The following NUDT6 variants were observed in gnomAD, a reference collection of about 807,000 sequenced individuals.
NUDT6 encodes the protein FAD diphosphatase NUDT6.
In NUDT6, 24 loss-of-function variants were observed where a neutral mutation model predicts 36.8. That is an observed-to-expected ratio of 0.65 (90% CI 0.47 to 0.92). The LOEUF is 0.92. Ranked by LOEUF, NUDT6 falls within the 40% of genes least tolerant of loss-of-function variation. The pLI, the probability that NUDT6 is intolerant of heterozygous loss-of-function variation, is 0.00. For synonymous variants in NUDT6, 163 were observed against 157.0 expected (o/e 1.04, Z -0.29); for missense variants, 388 against 392.8 (o/e 0.99, Z 0.10).
chr4:122,920,737 A>T (rs1227997620), intron 1 of NUDT6: 1 of 152,186 alleles, frequency 6.6e-6, no homozygotes, highest in African/African-American at 2.4e-5. Context: ...ACCTGTGTCT[A>T]CCCACACACT....
Position 122,915,489 on chromosome 4 carries a change from A to AC in NUDT6, c.442+2011_442+2012insG, listed in dbSNP as rs1560773944. On this transcript the variant is annotated intron_variant, in intron 2 of 4. Transcript: ENST00000304430. ...TGCCTCAAAAAAAAAAAAAAAAAAA[A>AC]AAAAAAAAACAACTCTGCACCTTTC... 6.0e-3 allele frequency among the ~76,000 whole-genome samples: 891 copies of AC among 148,800 alleles called. 20 individuals are homozygous for AC. Among genetic ancestry groups the AC allele is most frequent in the South Asian group, 0.023 (106 of 4,592 alleles).
intron 4 of NUDT6, chr4:122,894,246 A>G (rs1727281284): frequency 6.6e-6 from 1 of 152,218 alleles, no homozygotes; most frequent in South Asian, 2.1e-4. Context: ...TTCCCTTACA[A>G]TTGAGATTTG....
At chr4:122,917,342 G>A (rs191091644) in intron 2 of NUDT6, among the ~76,000 whole-genome samples, 159 bp downstream of exon 2, 4 of 152,278 alleles carry the variant, frequency 2.6e-5, no homozygotes, top group Admixed American at 2.0e-4. Context: ...CCCACTGGGG[G>A]TCTTGGAACA....
intron 3 of NUDT6, among the ~76,000 whole-genome samples, chr4:122,901,028 C>G (rs1727511796): frequency 6.6e-6 from 1 of 152,114 alleles, no homozygotes; most frequent in African/African-American, 2.4e-5. Context: ...GATGATATCT[C>G]TATGCCTCAA....
chr4:122,904,861 T>C (rs749289481), intron 3 of NUDT6, among the ~76,000 whole-genome samples: 1 of 152,160 alleles, frequency 6.6e-6, no homozygotes. Context: ...ATACAGCACA[T>C]AGTGTGTCTG....
intron 4 of NUDT6, chr4:122,896,126 T>C (rs1407447891): frequency 6.6e-6 from 1 of 152,448 alleles, no homozygotes; most frequent in South Asian, 2.1e-4. Context: ...TAATTCCACA[T>C]GACTGAGGCA....
Position 122,910,153 on chromosome 4 carries a change from C to T in NUDT6, c.498+2415G>A, listed in dbSNP as rs569645641. Among the ~76,000 whole-genome samples the T allele has an allele frequency of 2.6e-5, 4 of 152,290 alleles. 1 individual carries two copies. In the South Asian group the frequency reaches 6.2e-4, roughly 24 times the overall value. On this transcript the variant is annotated intron_variant, in intron 3 of 4. Coordinates refer to ENST00000304430, the MANE Select transcript of NUDT6 (RefSeq NM_007083.5). Reference sequence around the variant, plus strand: ...TTATTAAACATAGTTTTCACTATTACCCTGTTTTAAAAATATAGCCCAACT... The same window carrying T: ...TTATTAAACATAGTTTTCACTATTATCCTGTTTTAAAAATATAGCCCAACT...
chr4:122,920,192 T>C (rs1727943095), intron 1 of NUDT6: 1 of 152,176 alleles, frequency 6.6e-6, no homozygotes. Context: ...TCTCTCTTTA[T>C]AGGCACTACC....
At chr4:122,897,589 T>C in intron 4 of NUDT6, 35 bp downstream of exon 4, 2 of 1,439,862 alleles carry the variant, frequency 1.4e-6, no homozygotes, top group Non-Finnish European at 2.0e-6. Flanking sequence ...TTCCTCAACA[T>C]TTTTAAGCCA....
intron 2 of NUDT6, among the ~76,000 whole-genome samples, chr4:122,915,866 C>T (rs772343095): frequency 1.8e-4 from 27 of 152,018 alleles, no homozygotes; most frequent in Non-Finnish European, 3.4e-4. Context: ...TGTCTACTTG[C>T]TACAGGGAAG....
At chr4:122,913,285 T>TG (rs1727766653) in intron 2 of NUDT6, 1 of 152,434 alleles carries the variant, frequency 6.6e-6, no homozygotes, top group Non-Finnish European at 1.5e-5. Flanking sequence ...TTACAGACGA[T>TG]GCCTTCTAGC....
At chr4:122,917,797 C>T in intron 1 of NUDT6, 93 bp from the exon 2 acceptor site, 1 of 1,131,018 alleles carries the variant, frequency 8.8e-7, no homozygotes, top group South Asian at 1.5e-5. Context: ...TCCAGGAAAC[C>T]ATCTTTAAGC....
At position 122,909,179 on chromosome 4, in the gene NUDT6, C is replaced by T. The variant is rs1428525783; in HGVS notation, c.498+3389G>A. On this transcript the variant is annotated intron_variant, in intron 3 of 4. Transcript: ENST00000304430. ...CTTCCAGGCTCAAATAATCCTTCCA[C>T]CACAGCCTCCCAAGTAGCTGGGACC... Among the ~76,000 whole-genome samples, 4 of 152,002 alleles carry T rather than the reference C, an allele frequency of 2.6e-5. No homozygotes were observed. In the East Asian group the frequency reaches 7.7e-4, roughly 29 times the overall value.
intron 3 of NUDT6, among the ~76,000 whole-genome samples, chr4:122,900,892 G>C (rs1407310592): frequency 1.3e-5 from 2 of 152,064 alleles, no homozygotes; most frequent in Non-Finnish European, 2.9e-5. Flanking sequence ...TTCTTAGCTA[G>C]TGATCTTTTA....
chr4:122,922,958 C>A (rs1431479243), upstream of NUDT6: 1 of 683,444 alleles, frequency 1.5e-6, no homozygotes, highest in African/African-American at 1.8e-5. Context: ...ACAGCTGTTT[C>A]AAAGACTGCT....
intron 3 of NUDT6, among the ~76,000 whole-genome samples, chr4:122,907,670 C>T (rs977961695): frequency 1.1e-4 from 17 of 151,844 alleles, no homozygotes; most frequent in African/African-American, 9.7e-5. Flanking sequence ...AGGTTGGTCT[C>T]GATCTCCTGA....
intron 2 of NUDT6, among the ~76,000 whole-genome samples, chr4:122,914,079 TG>T (rs1727782141): frequency 6.6e-6 from 1 of 152,142 alleles, no homozygotes; most frequent in Admixed American, 6.6e-5. Flanking sequence ...CCTATCCTTA[TG>T]GGGTTCACAT....
chr4:122,909,843 T>C (rs1727698058), intron 3 of NUDT6, among the ~76,000 whole-genome samples: 1 of 152,192 alleles, frequency 6.6e-6, no homozygotes, highest in South Asian at 2.1e-4. Context: ...TCTTTGTAAG[T>C]AAACATTACA....
intron 3 of NUDT6, among the ~76,000 whole-genome samples, chr4:122,900,205 CAAAT>C: frequency 3.9e-5 from 6 of 151,990 alleles, no homozygotes; most frequent in African/African-American, 1.5e-4. Context: ...TGCCTTCATC[CAAAT>C]CCTTTTCCGA....
Sources: allele counts gnomAD v4.1 joint callset (sites outside exome capture counted in the v4.1 genomes callset), GRCh38; gene constraint gnomAD v4.1.1; transcripts MANE v1.5; gene names NCBI Gene and HGNC (gene_info 2026-07-23, HGNC 2026-07-21).